Variants in REC114 observed in about 807,000 individuals in gnomAD.
REC114 encodes meiotic recombination protein REC114.
In REC114, 27 loss-of-function variants were observed where a neutral mutation model predicts 31.3. That is an observed-to-expected ratio of 0.86 (90% confidence interval 0.64 to 1.19). The LOEUF is 1.19. Ranked by LOEUF, REC114 falls within the 50% of genes most tolerant of loss-of-function variation. The pLI, the probability that REC114 is intolerant of heterozygous loss-of-function variation, is 0.00. For missense variants in REC114, 344 were observed against 326.9 expected (o/e 1.05, Z -0.40); for synonymous variants, 134 against 127.7 (o/e 1.05, Z -0.33).
chr15:73,554,421 T>C (rs1409512948), intron 4 of REC114, among the ~76,000 whole-genome samples: 1 of 152,274 alleles, frequency 6.6e-6, no homozygotes, highest in Non-Finnish European at 1.5e-5. Context: ...AGTACCTATA[T>C]ATTTTTTAGT....
intron 2 of REC114, among the ~76,000 whole-genome samples, chr15:73,479,462 C>T (rs1465713881): frequency 1.3e-5 from 2 of 151,980 alleles, no homozygotes; most frequent in Non-Finnish European, 2.9e-5. Context: ...AAGATCTATT[C>T]TAGCAGATTT....
At chr15:73,507,077 A>C (rs1404590050) in intron 2 of REC114, among the ~76,000 whole-genome samples, 1 of 152,194 alleles carries the variant, frequency 6.6e-6, no homozygotes, top group Non-Finnish European at 1.5e-5. Context: ...AGTTTTAAAA[A>C]AAGACAAATC....
intron 2 of REC114, among the ~76,000 whole-genome samples, chr15:73,526,388 C>T (rs535408182): frequency 6.6e-6 from 1 of 151,948 alleles, no homozygotes; most frequent in South Asian, 2.1e-4. Context: ...GTTTCTTTTT[C>T]CCTCTTTTCG....
intron 1 of REC114, among the ~76,000 whole-genome samples, chr15:73,446,850 G>A (rs1159652796): frequency 6.6e-6 from 1 of 152,172 alleles, no homozygotes; most frequent in East Asian, 1.9e-4. Context: ...GTTTTAAGCA[G>A]AGGCATTTTC....
At chr15:73,535,396 A>G (rs544808304) in intron 2 of REC114, among the ~76,000 whole-genome samples, 2 of 151,050 alleles carry the variant, frequency 1.3e-5, no homozygotes, top group East Asian at 3.9e-4. Context: ...ACAGACAAAC[A>G]GCCAAATCAT....
At chr15:73,550,914 G>T (rs1566950005) in intron 3 of REC114, 24 bp from the exon 4 acceptor site, 7 of 1,607,690 alleles carry the variant, frequency 4.4e-6, no homozygotes, top group Non-Finnish European at 6.0e-6. Context: ...GGTCTCTCAT[G>T]ATAACTTTTG....
intron 3 of REC114, among the ~76,000 whole-genome samples, chr15:73,550,323 C>G (rs1171012031): frequency 6.6e-6 from 1 of 152,182 alleles, no homozygotes; most frequent in African/African-American, 2.4e-5. Flanking sequence ...CCCACATTTG[C>G]TAATTTGCCA....
intron 2 of REC114, among the ~76,000 whole-genome samples, chr15:73,538,250 ACACACTGGATTTC>A: frequency 6.6e-6 from 1 of 152,304 alleles, no homozygotes; most frequent in East Asian, 1.9e-4. Flanking sequence ...AGTGTAAAAC[ACACACTGGATTTC>A]AAAGACAGTA....
chr15:73,519,038 C>T (rs1327578395), intron 2 of REC114, among the ~76,000 whole-genome samples: 9 of 152,136 alleles, frequency 5.9e-5, no homozygotes, highest in Admixed American at 5.2e-4. Flanking sequence ...TGAATTATCA[C>T]CTCACACCCA....
At chr15:73,558,717 G>A (rs1894515237) in intron 5 of REC114, among the ~76,000 whole-genome samples, 1 of 152,208 alleles carries the variant, frequency 6.6e-6, no homozygotes, top group East Asian at 1.9e-4. Flanking sequence ...CTAGTGGAAT[G>A]TAAATGGGAC....
At chr15:73,513,996 T>A (rs936065713) in intron 2 of REC114, among the ~76,000 whole-genome samples, 3 of 152,014 alleles carry the variant, frequency 2.0e-5, no homozygotes, top group African/African-American at 7.2e-5. Context: ...CCTGGCTGCT[T>A]TGTTTACCTA....
intron 1 of REC114, among the ~76,000 whole-genome samples, 188 bp downstream of exon 1, chr15:73,443,532 T>G (rs1167215107): frequency 1.3e-5 from 2 of 152,192 alleles, no homozygotes; most frequent in Non-Finnish European, 2.9e-5. Context: ...GGAGACATGG[T>G]TGGAACCCTT....
In REC114 at chr15:73,520,049, C is replaced by T. The variant is rs545736169; in HGVS notation, c.250-20436C>T. 2.4e-4 allele frequency among the ~76,000 whole-genome samples: 36 copies of T among 152,052 alleles called. 2 individuals carry two copies. The highest frequency in any genetic ancestry group is 1.7e-3 in the Admixed American group (26 of 15,268). ...AGATGAAAAAGTTCTGGAGATCTGT[C>T]GTATAACACTGTGAATGCATATATA... On this transcript the variant is annotated intron_variant, in intron 2 of 5. Coordinates refer to ENST00000331090, the MANE Select transcript of REC114 (RefSeq NM_001042367.2).
chr15:73,547,918 G>A (rs1894332777), intron 3 of REC114, among the ~76,000 whole-genome samples: 1 of 152,062 alleles, frequency 6.6e-6, no homozygotes, highest in Non-Finnish European at 1.5e-5. Flanking sequence ...AAGCAAAATA[G>A]GATCTAATTA....
At chr15:73,507,362 T>TG (rs1209846074) in intron 2 of REC114, among the ~76,000 whole-genome samples, 3 of 150,754 alleles carry the variant, frequency 2.0e-5, no homozygotes, top group South Asian at 4.2e-4. Context: ...AATTATGAGA[T>TG]TTTTTTTTTA....
At chr15:73,540,616 A>G (rs772592136) in intron 3 of REC114, 48 bp downstream of exon 3, 8 of 1,511,278 alleles carry the variant, frequency 5.3e-6, no homozygotes, top group Non-Finnish European at 6.4e-6. Context: ...CTATGTGTGT[A>G]TGTTGGGGAG....
At chr15:73,468,461 T>C (rs1339462274) in intron 1 of REC114, among the ~76,000 whole-genome samples, 1 of 152,210 alleles carries the variant, frequency 6.6e-6, no homozygotes. Flanking sequence ...TCACTTATTC[T>C]AGTAAAATCA....
chr15:73,512,974 G>T (rs918783084), intron 2 of REC114, among the ~76,000 whole-genome samples: 1 of 151,462 alleles, frequency 6.6e-6, no homozygotes, highest in African/African-American at 2.4e-5. Flanking sequence ...TGTATTTCCT[G>T]AATCTGAACG....
At chr15:73,519,491 G>A (rs1893906037) in intron 2 of REC114, among the ~76,000 whole-genome samples, 1 of 152,186 alleles carries the variant, frequency 6.6e-6, no homozygotes. Flanking sequence ...CAGTTGGCAA[G>A]GATGTAAAGA....
Sources: gnomAD v4.1 joint callset for allele counts (sites outside exome capture counted in the v4.1 genomes callset) on GRCh38, gnomAD v4.1.1 for gene constraint, MANE v1.5 for transcripts, NCBI Gene and HGNC (gene_info 2026-07-23, HGNC 2026-07-21) for gene names.